TOM1L2: variants seen among roughly 807,000 people sequenced by gnomAD.
TOM1L2 encodes TOM1-like protein 2.
TOM1L2 carries 31 observed loss-of-function variants against 67.9 expected under a neutral mutation model. The observed-to-expected ratio is 0.46, with a 90% CI of 0.34 to 0.62. The LOEUF (loss-of-function observed/expected upper bound fraction) is 0.62. TOM1L2 is among the 20% of genes least tolerant of loss of function. TOM1L2 has a pLI of 0.01. For missense variants in TOM1L2, 606 were observed against 663.5 expected (o/e 0.91, Z 0.95); for synonymous variants, 256 against 254.0 (o/e 1.01, Z -0.07).
intron 1 of TOM1L2, 63 bp downstream of exon 1, chr17:17,972,199 G>A (rs2042136576): frequency 1.3e-6 from 2 of 1,539,336 alleles, no homozygotes; most frequent in Admixed American, 2.0e-5. Context: ...GGAGGCCCGC[G>A]GTCCTCACCA....
chr17:17,880,389 C>T (rs953787291), intron 6 of TOM1L2, among the ~76,000 whole-genome samples: 3 of 152,208 alleles, frequency 2.0e-5, no homozygotes, highest in Non-Finnish European at 2.9e-5. Flanking sequence ...ATCCCAAAGC[C>T]TGGACCTGGG....
intron 4 of TOM1L2, among the ~76,000 whole-genome samples, chr17:17,892,651 C>T (rs1437397522): frequency 6.6e-6 from 1 of 151,584 alleles, no homozygotes; most frequent in Non-Finnish European, 1.5e-5. Flanking sequence ...CTTCATTACA[C>T]CCCCTTCCCC....
chr17:17,941,878 T>C (rs2040748873), intron 1 of TOM1L2, among the ~76,000 whole-genome samples: 1 of 152,164 alleles, frequency 6.6e-6, no homozygotes, highest in South Asian at 2.1e-4. Flanking sequence ...TAGTCCCTGC[T>C]ACTAGGGAGG....
chr17:17,858,077 T>C, intron 12 of TOM1L2: 1 of 432,638 alleles, frequency 2.3e-6, no homozygotes, highest in Non-Finnish European at 4.2e-6. Context: ...TCATGCCAAC[T>C]ACTCCCGTGC....
chr17:17,899,181 C>T (rs922185392), intron 2 of TOM1L2, among the ~76,000 whole-genome samples: 7 of 152,220 alleles, frequency 4.6e-5, no homozygotes, highest in African/African-American at 1.7e-4. Context: ...AAAACCCTAA[C>T]TAACCCACTG....
At chr17:17,879,891 A>G in intron 6 of TOM1L2, 148 bp from the exon 7 acceptor site, 1 of 714,224 alleles carries the variant, frequency 1.4e-6, no homozygotes, top group Admixed American at 2.0e-5. Context: ...TGCAGAGGCC[A>G]CCTTCTCATC....
In TOM1L2 at chr17:17,934,608, A is replaced by T. The variant is rs74887979; in HGVS notation, c.53-27077T>A. On this transcript the variant is annotated intron_variant, in intron 1 of 14. Transcript: ENST00000379504. Reference sequence around the variant, plus strand: ...TTTGTTTAGGGGGATAATTTCTAAAATTTTTCTCCTAAAAATACATATTTA... The same window carrying T: ...TTTGTTTAGGGGGATAATTTCTAAATTTTTTCTCCTAAAAATACATATTTA... 9.3e-4 allele frequency among the ~76,000 whole-genome samples: 141 copies of T among 152,198 alleles called. 2 individuals carry two copies. The East Asian group carries it at 0.026, about 28-fold the overall frequency.
intron 2 of TOM1L2, among the ~76,000 whole-genome samples, chr17:17,906,546 T>C (rs1268958368): frequency 6.6e-6 from 1 of 152,244 alleles, no homozygotes; most frequent in Non-Finnish European, 1.5e-5. Context: ...ATCTTGTTTA[T>C]GGCCTGCCTC....
intron 1 of TOM1L2, among the ~76,000 whole-genome samples, chr17:17,950,972 G>C (rs1032557492): frequency 7.2e-5 from 11 of 152,108 alleles, no homozygotes; most frequent in African/African-American, 2.2e-4. Flanking sequence ...TACCAGGAAG[G>C]GGGTGCTGTT....
intron 1 of TOM1L2, among the ~76,000 whole-genome samples, chr17:17,927,935 A>G (rs527414515): frequency 6.6e-6 from 1 of 152,158 alleles, no homozygotes; most frequent in Non-Finnish European, 1.5e-5. Context: ...CTATACTTTT[A>G]AAAAGATTCC....
At chr17:17,903,599 C>G (rs1218775492) in intron 2 of TOM1L2, among the ~76,000 whole-genome samples, 1 of 131,706 alleles carries the variant, frequency 7.6e-6, no homozygotes, top group Non-Finnish European at 1.5e-5. Flanking sequence ...GGCGACAGAG[C>G]GAGACTCCAT....
intron 1 of TOM1L2, among the ~76,000 whole-genome samples, chr17:17,950,273 C>T (rs561856880): frequency 6.6e-6 from 1 of 152,298 alleles, no homozygotes; most frequent in South Asian, 2.1e-4. Flanking sequence ...TCTTGTGCCT[C>T]AGTCTTCCGA....
intron 11 of TOM1L2, 160 bp downstream of exon 11, chr17:17,862,571 T>C (rs2036618938): frequency 1.5e-6 from 1 of 654,020 alleles, no homozygotes; most frequent in South Asian, 1.8e-5. Context: ...TTGGTATTTA[T>C]TCAGTATCTG....
intron 13 of TOM1L2, among the ~76,000 whole-genome samples, chr17:17,850,031 A>C (rs1005677473): frequency 1.8e-4 from 27 of 152,166 alleles, no homozygotes; most frequent in African/African-American, 6.3e-4. Flanking sequence ...CAGCCCACAG[A>C]CAGCCAGGCT....
intron 1 of TOM1L2, 66 bp from the exon 2 acceptor site, chr17:17,907,597 G>T: frequency 7.0e-7 from 1 of 1,431,824 alleles, no homozygotes; most frequent in Non-Finnish European, 9.8e-7. Flanking sequence ...GCAGGAAATG[G>T]GAAGAGACCA....
chr17:17,930,508 T>C (rs2040285606), intron 1 of TOM1L2, among the ~76,000 whole-genome samples: 1 of 152,108 alleles, frequency 6.6e-6, no homozygotes, highest in African/African-American at 2.4e-5. Flanking sequence ...CCACATCTTG[T>C]CCAAGAGATA....
At chr17:17,894,734 C>T (rs1054908126) in intron 3 of TOM1L2, among the ~76,000 whole-genome samples, 6 of 152,174 alleles carry the variant, frequency 3.9e-5, no homozygotes, top group Middle Eastern at 3.2e-3. Flanking sequence ...AATTCAAGAC[C>T]AGCCTAGCCA....
chr17:17,870,213 C>T (rs930773328), intron 7 of TOM1L2, among the ~76,000 whole-genome samples: 2 of 152,162 alleles, frequency 1.3e-5, no homozygotes, highest in Non-Finnish European at 2.9e-5. Flanking sequence ...AGGAAATTCG[C>T]ACACCCCCGG....
chr17:17,862,706 A>G, intron 11 of TOM1L2, 25 bp downstream of exon 11: 2 of 1,572,328 alleles, frequency 1.3e-6, no homozygotes, highest in South Asian at 2.2e-5. Flanking sequence ...ATCTTTAGAG[A>G]GCCACTAAAA....
Sources: allele counts gnomAD v4.1 joint callset (sites outside exome capture counted in the v4.1 genomes callset), GRCh38; gene constraint gnomAD v4.1.1; transcripts MANE v1.5; gene names NCBI Gene and HGNC (gene_info 2026-07-23, HGNC 2026-07-21).